The following LTV1 variants were observed in gnomAD, a reference collection of about 807,000 sequenced individuals.
LTV1 encodes LTV1 ribosome biogenesis factor.
In LTV1, 39 loss-of-function variants were observed where a neutral mutation model predicts 59.9. That is an observed-to-expected ratio of 0.65 (90% CI 0.50 to 0.85). The LOEUF is 0.85. Ranked by LOEUF, LTV1 falls within the 40% of genes least tolerant of loss-of-function variation. The pLI is 0.00. For synonymous variants in LTV1, 171 were observed against 189.5 expected (o/e 0.90, Z 0.80); for missense variants, 493 against 549.1 (o/e 0.90, Z 1.02).
chr6:143,847,967 A>C (rs2128491008), intron 3 of LTV1, among the ~76,000 whole-genome samples: 1 of 152,332 alleles, frequency 6.6e-6, no homozygotes, highest in East Asian at 1.9e-4. Flanking sequence ...TTGATGCTTG[A>C]GCAGGCCCTG....
intron 7 of LTV1, 34 bp downstream of exon 7, chr6:143,860,587 CT>C (rs753362685): frequency 9.7e-6 from 15 of 1,540,986 alleles, no homozygotes; most frequent in South Asian, 9.1e-5. Context: ...TTTAGCTGTT[CT>C]TTTTTTTAAA....
At chr6:143,859,197 C>CTA (rs1182079769) in intron 6 of LTV1, among the ~76,000 whole-genome samples, 1 of 152,170 alleles carries the variant, frequency 6.6e-6, no homozygotes, top group Non-Finnish European at 1.5e-5. Context: ...GTATAAGACA[C>CTA]TTTTGAAAGC....
intron 7 of LTV1, among the ~76,000 whole-genome samples, chr6:143,861,301 G>T: frequency 6.6e-6 from 1 of 151,956 alleles, no homozygotes; most frequent in East Asian, 1.9e-4. Flanking sequence ...GGCTGGGCGT[G>T]GTGGTGTACA....
chr6:143,860,556 A>G lies in LTV1; in HGVS notation c.923+3A>G. On this transcript the variant is annotated splice_donor_region_variant and intron_variant, in intron 7 of 10. Transcript: ENST00000367576. ...TACTATAAAGAGAAGGCAGAGAAGT[A>G]TAGTGACTTTTCCTTCCTTGTTTAG... 5 of 1,600,894 alleles carry G rather than the reference A, an allele frequency of 3.1e-6. No homozygotes were observed. Among genetic ancestry groups the G allele is most frequent in the Non-Finnish European group, 4.3e-6 (5 of 1,175,498 alleles).
intron 6 of LTV1, chr6:143,858,407 A>T: frequency 5.4e-6 from 1 of 186,286 alleles, no homozygotes; most frequent in Admixed American, 5.3e-5. Context: ...TTTGGCCCTT[A>T]AAACCCCCAG....
intron 6 of LTV1, chr6:143,858,280 C>G (rs551617191): frequency 5.9e-6 from 2 of 341,154 alleles, no homozygotes; most frequent in Admixed American, 7.8e-5. Flanking sequence ...TTACATCACA[C>G]GCTTACACCA....
chr6:143,855,212 G>C lies in LTV1; in HGVS notation c.398-2091G>C, dbSNP rs1008577829. 2.0e-5 allele frequency among the ~76,000 whole-genome samples: 3 copies of C among 152,082 alleles called. No homozygotes were observed. The highest frequency in any genetic ancestry group is 7.2e-5 in the African/African-American group (3 of 41,410). ...TTACTATTATGTAATGCCCTTCTTT[G>C]TGTTTTTTGATCTTTGTTGGTTTAG... On this transcript the variant is annotated intron_variant, in intron 4 of 10. Coordinates refer to ENST00000367576, the MANE Select transcript of LTV1 (RefSeq NM_032860.5). The surrounding 1 kb of genome is among the most constrained non-coding windows in gnomAD (Gnocchi z 4.6).
At chr6:143,858,043 C>A in intron 6 of LTV1, 36 bp downstream of exon 6, 1 of 1,588,538 alleles carries the variant, frequency 6.3e-7, no homozygotes, top group Admixed American at 1.8e-5. Flanking sequence ...TTAGTACTAT[C>A]TTATGTTAAA....
At chr6:143,858,258 G>T in intron 6 of LTV1, 1 of 406,048 alleles carries the variant, frequency 2.5e-6, no homozygotes. Flanking sequence ...AGGAGGATGT[G>T]ACTTTTCCAA....
At chr6:143,861,346 GATCACTTGA>G (rs1333839718) in intron 7 of LTV1, among the ~76,000 whole-genome samples, 1 of 151,532 alleles carries the variant, frequency 6.6e-6, no homozygotes, top group Non-Finnish European at 1.5e-5. Flanking sequence ...GCTGAGACAG[GATCACTTGA>G]ACCTGGAAGG....
At chr6:143,856,633 A>G (rs996230793) in intron 4 of LTV1, among the ~76,000 whole-genome samples, 1 of 151,838 alleles carries the variant, frequency 6.6e-6, no homozygotes, top group Non-Finnish European at 1.5e-5. Flanking sequence ...TGGACGTCCT[A>G]TTTGTTGATG....
chr6:143,852,317 A>G (rs970883953), intron 4 of LTV1, among the ~76,000 whole-genome samples: 2 of 152,242 alleles, frequency 1.3e-5, no homozygotes, highest in East Asian at 3.9e-4. Context: ...CATTTCTATA[A>G]TGACCAGTGA....
chr6:143,843,562 T>C, intron 1 of LTV1, 82 bp downstream of exon 1: 1 of 1,577,140 alleles, frequency 6.3e-7, no homozygotes, highest in East Asian at 2.3e-5. Context: ...CCTTGGCTAC[T>C]GCGGCCCGGG....
intron 1 of LTV1, among the ~76,000 whole-genome samples, chr6:143,844,127 C>G (rs920296235): frequency 6.6e-5 from 10 of 152,314 alleles, no homozygotes; most frequent in Admixed American, 6.5e-4. Flanking sequence ...AGGGGCCTTC[C>G]CTGAGCAGCC....
chr6:143,861,162 G>A (rs1777158499), intron 7 of LTV1, among the ~76,000 whole-genome samples: 1 of 152,128 alleles, frequency 6.6e-6, no homozygotes, highest in Non-Finnish European at 1.5e-5. Flanking sequence ...CTCCCAAAGT[G>A]CTGGGATTAT....
chr6:143,844,492 A>G lies in LTV1; in HGVS notation c.10A>G (p.Arg4Gly), dbSNP rs1776855569. The G allele has an allele frequency of 6.2e-7, 1 of 1,613,014 alleles. No homozygotes were observed. The highest frequency in any genetic ancestry group is 8.5e-7 in the Non-Finnish European group (1 of 1,179,662). The change falls in exon 2 of 11, where the codon AGG becomes GGG. Residue 4 changes from arginine to glycine, a missense_variant. Arg to Gly is a moderately radical substitution (Grantham distance 125, BLOSUM62 -2). Coordinates refer to ENST00000367576, the MANE Select transcript of LTV1 (RefSeq NM_032860.5). ...TGATTTTGTTCCTTTGAAGCCTCACAGGAAGAAAAAGCCCTTTATAGAGAA... is the reference window on the plus strand; with the variant it reads ...TGATTTTGTTCCTTTGAAGCCTCACGGGAAGAAAAAGCCCTTTATAGAGAA... MPH[R>G]KKKPFIEKKK... is the part of the protein sequence containing the mutation.
At chr6:143,851,292 G>A (rs1168537489) in intron 4 of LTV1, among the ~76,000 whole-genome samples, 1 of 152,152 alleles carries the variant, frequency 6.6e-6, no homozygotes, top group African/African-American at 2.4e-5. Flanking sequence ...GCAGGGCTAA[G>A]TCCTAAGCAG....
At chr6:143,845,101 C>T (rs1271072987) in intron 2 of LTV1, among the ~76,000 whole-genome samples, 12 of 152,238 alleles carry the variant, frequency 7.9e-5, no homozygotes. Context: ...CCGCAAACTG[C>T]ATTTTGCCTC....
At chr6:143,847,515 C>G (rs1043720513) in intron 3 of LTV1, among the ~76,000 whole-genome samples, 1 of 152,202 alleles carries the variant, frequency 6.6e-6, no homozygotes, top group African/African-American at 2.4e-5. Flanking sequence ...GCATGTGGCA[C>G]TGTGCCCGGC....
Sources: gnomAD v4.1 joint callset for allele counts (sites outside exome capture counted in the v4.1 genomes callset) on GRCh38, gnomAD v4.1.1 for gene constraint, Gnocchi (gnomAD v3.1) non-coding constraint, MANE v1.5 for transcripts, NCBI Gene and HGNC (gene_info 2026-07-23, HGNC 2026-07-21) for gene names.